Variants in PPARGC1A observed in about 807,000 individuals in gnomAD.
PPARGC1A encodes PPARG coactivator 1 alpha.
PPARGC1A carries 25 observed loss-of-function variants against 88.7 expected under a neutral mutation model. That is an observed-to-expected ratio of 0.28 (90% CI 0.21 to 0.39). The LOEUF (loss-of-function observed/expected upper bound fraction) is 0.39. Among genes scored for constraint, PPARGC1A ranks in the 10% least tolerant of loss-of-function variants. PPARGC1A has a pLI of 1.00. For missense variants in PPARGC1A, 880 were observed against 968.7 expected (o/e 0.91, Z 1.22); for synonymous variants, 363 against 355.6 (o/e 1.02, Z -0.24).
chr4:24,031,918 G>A, the PPARGC1A span, among the ~76,000 whole-genome samples: 1 of 152,178 alleles, frequency 6.6e-6, no homozygotes, highest in Non-Finnish European at 1.5e-5. Context: ...CTATGAGGAA[G>A]CTGAAGCCCA....
chr4:23,811,889 C>CTT lies in PPARGC1A; in HGVS notation c.2019+856_2019+857dup, dbSNP rs71196134. On this transcript the variant is annotated intron_variant, in intron 10 of 12. Coordinates refer to ENST00000264867, the MANE Select transcript of PPARGC1A (RefSeq NM_013261.5). ...GACGACCATCACGCAGAAGAAATGA[C>CTT]TTTTTTTTTTTTTTTTTTTTTTTTT... Among the ~76,000 whole-genome samples, 12 of 59,040 alleles carry CTT rather than the reference C, an allele frequency of 2.0e-4. 2 individuals carry two copies. The highest frequency in any genetic ancestry group is 2.8e-4 in the Non-Finnish European group (9 of 31,620). 38.7% of individuals were successfully genotyped at this position (59,040 alleles called of 152,430 possible).
At chr4:23,800,194 G>C (rs1718412265) in intron 12 of PPARGC1A, among the ~76,000 whole-genome samples, 1 of 151,970 alleles carries the variant, frequency 6.6e-6, no homozygotes, top group Admixed American at 6.6e-5. Flanking sequence ...AGTGCATATA[G>C]ATATCTAATA....
At chr4:24,074,160 T>C in the PPARGC1A span, among the ~76,000 whole-genome samples, 2,998 of 152,194 alleles carry the variant, frequency 0.02, 103 homozygotes, top group African/African-American at 0.062. Flanking sequence ...TGCTCTCACA[T>C]GAGGGAATGA....
the PPARGC1A span, among the ~76,000 whole-genome samples, chr4:24,271,783 A>G: frequency 6.6e-6 from 1 of 152,148 alleles, no homozygotes; most frequent in African/African-American, 2.4e-5. Flanking sequence ...CCTACCTTGG[A>G]GGGGTATTGT....
At chr4:23,955,106 A>G in the PPARGC1A span, among the ~76,000 whole-genome samples, 1 of 152,110 alleles carries the variant, frequency 6.6e-6, no homozygotes. Context: ...GTTTATCTAC[A>G]TTCAATTTAA....
the PPARGC1A span, among the ~76,000 whole-genome samples, chr4:24,449,656 AC>A: frequency 2.6e-5 from 4 of 152,212 alleles, no homozygotes; most frequent in Non-Finnish European, 5.9e-5. Context: ...TGCACAAAAG[AC>A]TTTTGTCCTC....
At chr4:23,949,772 C>T in the PPARGC1A span, among the ~76,000 whole-genome samples, 1 of 152,126 alleles carries the variant, frequency 6.6e-6, no homozygotes, top group African/African-American at 2.4e-5. Context: ...CCCCCACAAT[C>T]TATGAAACTC....
At chr4:24,301,523 G>T in the PPARGC1A span, among the ~76,000 whole-genome samples, 1 of 150,616 alleles carries the variant, frequency 6.6e-6, no homozygotes. Flanking sequence ...AGTTGAGAGC[G>T]GTTACGGTCA....
At chr4:24,163,982 C>T in the PPARGC1A span, among the ~76,000 whole-genome samples, 4 of 152,302 alleles carry the variant, frequency 2.6e-5, 1 homozygote, top group African/African-American at 9.6e-5. Flanking sequence ...TTTCTCTTTC[C>T]TTGTTCATTT....
chr4:24,276,461 C>G, the PPARGC1A span, among the ~76,000 whole-genome samples: 1 of 152,200 alleles, frequency 6.6e-6, no homozygotes, highest in African/African-American at 2.4e-5. Flanking sequence ...GAGTCCTATT[C>G]TAAACCTGCG....
At chr4:23,798,377 G>A (rs1718024467) in intron 12 of PPARGC1A, among the ~76,000 whole-genome samples, 2 of 152,076 alleles carry the variant, frequency 1.3e-5, no homozygotes, top group African/African-American at 4.8e-5. Context: ...GCACAAAGGA[G>A]GCACTCAAAT....
chr4:24,394,640 G>A, the PPARGC1A span, among the ~76,000 whole-genome samples: 5 of 152,168 alleles, frequency 3.3e-5, no homozygotes, highest in Non-Finnish European at 4.4e-5. Flanking sequence ...ATGGTACCAC[G>A]CTTGCACGCT....
At chr4:24,069,106 G>A in the PPARGC1A span, among the ~76,000 whole-genome samples, 1 of 152,142 alleles carries the variant, frequency 6.6e-6, no homozygotes, top group Non-Finnish European at 1.5e-5. Flanking sequence ...AAAGCCACAA[G>A]GTAGGCACTG....
chr4:24,017,144 C>T, the PPARGC1A span, among the ~76,000 whole-genome samples: 46,376 of 151,864 alleles, frequency 0.31, 7,295 homozygotes, highest in Non-Finnish European at 0.34. Context: ...GTGAAAGGTA[C>T]GCAAAGAGGT....
the PPARGC1A span, among the ~76,000 whole-genome samples, chr4:23,974,910 C>T: frequency 6.7e-6 from 1 of 149,954 alleles, no homozygotes; most frequent in Non-Finnish European, 1.5e-5. Flanking sequence ...CCACCTCGGC[C>T]TCCCAAAGTG....
At chr4:24,300,099 G>A in the PPARGC1A span, among the ~76,000 whole-genome samples, 3 of 152,170 alleles carry the variant, frequency 2.0e-5, no homozygotes, top group Non-Finnish European at 2.9e-5. Context: ...GGAACAGCAA[G>A]AAGCAAAATT....
the PPARGC1A span, among the ~76,000 whole-genome samples, chr4:24,141,242 C>T: frequency 6.6e-6 from 1 of 152,242 alleles, no homozygotes. Flanking sequence ...TGAAGAGTCA[C>T]AGAGAACAAG....
chr4:24,108,948 C>A, the PPARGC1A span, among the ~76,000 whole-genome samples: 3,883 of 151,316 alleles, frequency 0.026, 154 homozygotes, highest in African/African-American at 0.089. Context: ...AACTTTTGGA[C>A]CTTGGAAATA....
chr4:23,904,453 C>T (rs1245607347), upstream of PPARGC1A, among the ~76,000 whole-genome samples: 1 of 152,114 alleles, frequency 6.6e-6, no homozygotes, highest in Non-Finnish European at 1.5e-5. Context: ...TCAGGACATC[C>T]ATCCATGCCC....
Sources: allele counts gnomAD v4.1 joint callset (sites outside exome capture counted in the v4.1 genomes callset), GRCh38; gene constraint gnomAD v4.1.1; transcripts MANE v1.5; gene names NCBI Gene and HGNC (gene_info 2026-07-23, HGNC 2026-07-21).